The following TAFA5 variants were observed in gnomAD, a reference collection of about 807,000 sequenced individuals.
TAFA5 encodes the protein TAFA chemokine like family member 5.
TAFA5 carries 6 observed loss-of-function variants against 15.3 expected under a neutral mutation model. The observed-to-expected ratio is 0.39, with a 90% CI of 0.21 to 0.77. The LOEUF (loss-of-function observed/expected upper bound fraction) is 0.77. TAFA5 is among the 30% of genes least tolerant of loss of function. The pLI is 0.41. For synonymous variants in TAFA5, 103 were observed against 80.7 expected (o/e 1.28, Z -1.48); for missense variants, 161 against 193.1 (o/e 0.83, Z 0.98).
chr22:48,640,117 G>T (rs1358012282), intron 1 of TAFA5, among the ~76,000 whole-genome samples: 6 of 152,204 alleles, frequency 3.9e-5, no homozygotes, highest in Non-Finnish European at 5.9e-5. Flanking sequence ...TGGGGCCGGC[G>T]CCAGGCTCTT....
At chr22:48,567,346 A>G (rs1359612651) in intron 1 of TAFA5, among the ~76,000 whole-genome samples, 14 of 152,228 alleles carry the variant, frequency 9.2e-5, no homozygotes, top group Non-Finnish European at 1.9e-4. Flanking sequence ...CTCCCGCCCC[A>G]GGCTGAGTGC....
chr22:48,532,430 C>T (rs1922005561), intron 1 of TAFA5, among the ~76,000 whole-genome samples: 1 of 152,230 alleles, frequency 6.6e-6, no homozygotes. Flanking sequence ...TGCTCAATCC[C>T]AAGGCTGTTC....
At chr22:48,738,475 G>C (rs540403312) in intron 3 of TAFA5, among the ~76,000 whole-genome samples, 2 of 152,092 alleles carry the variant, frequency 1.3e-5, no homozygotes, top group Non-Finnish European at 2.9e-5. Context: ...CCACGCCTGT[G>C]CTCCTGAGTC....
At chr22:48,601,490 C>A (rs1007618031) in intron 1 of TAFA5, among the ~76,000 whole-genome samples, 1 of 151,928 alleles carries the variant, frequency 6.6e-6, no homozygotes, top group East Asian at 1.9e-4. Context: ...CCATGCCCGG[C>A]GAATTTTTGC....
chr22:48,691,200 T>G (rs1928530069), intron 2 of TAFA5, among the ~76,000 whole-genome samples: 1 of 152,168 alleles, frequency 6.6e-6, no homozygotes, highest in African/African-American at 2.4e-5. Flanking sequence ...TCAAGCTGGC[T>G]CGGGTGCGAG....
At chr22:48,611,140 G>A (rs1018753015) in intron 1 of TAFA5, among the ~76,000 whole-genome samples, 12 of 152,228 alleles carry the variant, frequency 7.9e-5, no homozygotes, top group Middle Eastern at 3.4e-3. Context: ...TCACCATGTT[G>A]GCCAGGCTGG....
intron 1 of TAFA5, among the ~76,000 whole-genome samples, chr22:48,626,313 C>T (rs561537506): frequency 1.3e-5 from 2 of 152,308 alleles, no homozygotes; most frequent in South Asian, 4.1e-4. Flanking sequence ...CCCCCGCCGG[C>T]CGTGAAGGAG....
At chr22:48,522,642 T>C (rs1462703882) in intron 1 of TAFA5, among the ~76,000 whole-genome samples, 1 of 152,158 alleles carries the variant, frequency 6.6e-6, no homozygotes, top group African/African-American at 2.4e-5. Flanking sequence ...CATCCGCCCC[T>C]GGGAGGAAGG....
rs182307816 is a variant in TAFA5, at chr22:48,598,228, C to G, written c.113-48369C>G. Among the ~76,000 whole-genome samples, 131 of 152,264 alleles carry G rather than the reference C, an allele frequency of 8.6e-4. 1 individual carries two copies. Among genetic ancestry groups the G allele is most frequent in the Admixed American group, 7.7e-3 (118 of 15,298 alleles). ...CTTCACCTGCTTGGATAGGGCCCAC[C>G]CACAGTATGGAAGGCCATCTGCTTT... On this transcript the variant is annotated intron_variant, in intron 1 of 3. Transcript: ENST00000402357. The surrounding 1 kb of genome is among the most constrained non-coding windows in gnomAD (Gnocchi z 4.0).
chr22:48,500,633 C>T (rs1169761631), intron 1 of TAFA5, among the ~76,000 whole-genome samples: 1 of 152,268 alleles, frequency 6.6e-6, no homozygotes, highest in African/African-American at 2.4e-5. Flanking sequence ...CCCTGTGAAA[C>T]ACGCATACTT....
At chr22:48,512,251 C>T (rs887959663) in intron 1 of TAFA5, among the ~76,000 whole-genome samples, 9 of 152,184 alleles carry the variant, frequency 5.9e-5, no homozygotes, top group African/African-American at 1.7e-4. Context: ...TCTCGCTGCG[C>T]GGCCACAGTG....
chr22:48,522,953 A>G (rs1030242751), intron 1 of TAFA5, among the ~76,000 whole-genome samples: 3 of 152,158 alleles, frequency 2.0e-5, no homozygotes, highest in Non-Finnish European at 4.4e-5. Context: ...GACACTTCCA[A>G]TGGGAGGCCA....
intron 1 of TAFA5, among the ~76,000 whole-genome samples, chr22:48,491,484 A>G (rs890314990): frequency 6.6e-6 from 1 of 152,196 alleles, no homozygotes; most frequent in Non-Finnish European, 1.5e-5. Context: ...GCTGGCTGCT[A>G]GAACCCAGGA....
chr22:48,507,112 GTGGC>G (rs1569161964), intron 1 of TAFA5, among the ~76,000 whole-genome samples: 5 of 151,694 alleles, frequency 3.3e-5, no homozygotes, highest in East Asian at 3.9e-4. Flanking sequence ...GGAGAAGGAG[GTGGC>G]CGCCAAGGGC....
chr22:48,733,640 C>T (rs1160979046), intron 3 of TAFA5, among the ~76,000 whole-genome samples: 1 of 152,192 alleles, frequency 6.6e-6, no homozygotes. Context: ...GTAAACTGGA[C>T]CGAGTATGAG....
intron 1 of TAFA5, chr22:48,576,613 C>T (rs562680604): frequency 2.2e-6 from 3 of 1,356,804 alleles, no homozygotes; most frequent in Admixed American, 2.9e-5. Context: ...CCGCGCTCTG[C>T]CCGGCTCGCG....
At chr22:48,727,964 AAC>A (rs1929759447) in intron 3 of TAFA5, among the ~76,000 whole-genome samples, 3 of 152,246 alleles carry the variant, frequency 2.0e-5, no homozygotes, top group African/African-American at 7.2e-5. Flanking sequence ...TATGATCAGA[AAC>A]AATTTTTAGC....
At chr22:48,518,289 C>G (rs371319365) in intron 1 of TAFA5, among the ~76,000 whole-genome samples, 1 of 152,296 alleles carries the variant, frequency 6.6e-6, no homozygotes. Flanking sequence ...AGGCTCAGCC[C>G]TCCCCTCTGT....
At chr22:48,576,049 C>CT (rs998192329) in intron 1 of TAFA5, among the ~76,000 whole-genome samples, 1 of 115,434 alleles carries the variant, frequency 8.7e-6, no homozygotes, top group Non-Finnish European at 1.9e-5. Context: ...ACCCCCCCCC[C>CT]CCCCGCGCCG....
Sources: allele counts gnomAD v4.1 joint callset (sites outside exome capture counted in the v4.1 genomes callset), GRCh38; gene constraint gnomAD v4.1.1; non-coding constraint Gnocchi (gnomAD v3.1); transcripts MANE v1.5; gene names NCBI Gene and HGNC (gene_info 2026-07-23, HGNC 2026-07-21).